Variants in GABPB1 observed in about 807,000 individuals in gnomAD.
GABPB1 encodes the protein GA-binding protein subunit beta-1.
In GABPB1, 15 loss-of-function variants were observed where a neutral mutation model predicts 45.9. The observed-to-expected ratio is 0.33, with a 90% confidence interval of 0.22 to 0.50. The LOEUF is 0.50. Ranked by LOEUF, GABPB1 falls within the 20% of genes least tolerant of loss-of-function variation. The pLI, the probability that GABPB1 is intolerant of heterozygous loss-of-function variation, is 0.98. For missense variants in GABPB1, 252 were observed against 457.5 expected, an observed-to-expected ratio of 0.55 and a Z score of 4.10; for synonymous variants, 143 against 154.4, an observed-to-expected ratio of 0.93 and a Z score of 0.55.
chr15:50,333,045 GCTTAATAACTTATTAATAA>G (rs1312332237), intron 1 of GABPB1, among the ~76,000 whole-genome samples: 2 of 148,214 alleles, frequency 1.3e-5, no homozygotes, highest in Admixed American at 6.8e-5. Context: ...AAGTTTATTG[GCTTAATAACTTATTAATAA>G]CTTAATAACT....
intron 1 of GABPB1, chr15:50,354,553 C>T (rs1290847735): frequency 8.9e-6 from 4 of 448,346 alleles, no homozygotes; most frequent in South Asian, 6.3e-5. Context: ...CGAGGCCCAG[C>T]CGCGCCTGCC....
intron 1 of GABPB1, among the ~76,000 whole-genome samples, chr15:50,335,290 G>C (rs2048080611): frequency 6.6e-6 from 1 of 152,154 alleles, no homozygotes; most frequent in East Asian, 1.9e-4. Context: ...CTCAGCTGTA[G>C]ATATATGGAG....
rs550832491 is a variant in GABPB1, at chr15:50,281,462, T to C, written c.1000-2678A>G. Among the ~76,000 whole-genome samples the C allele has an allele frequency of 7.2e-3, 1,099 of 152,240 alleles. 12 individuals are homozygous for C. Among genetic ancestry groups the C allele is most frequent in the African/African-American group, 0.021 (877 of 41,532 alleles). On this transcript the variant is annotated intron_variant, in intron 8 of 8. Transcript: ENST00000380877. ...TCCTGACCTCGTGATCTGCCCGCCT[T>C]GGCCTCCCAAAGTGCTAGGATTACA...
At chr15:50,296,905 CTTTTTTTTTTTT>C (rs72486745) in intron 6 of GABPB1, among the ~76,000 whole-genome samples, 2 of 91,392 alleles carry the variant, frequency 2.2e-5, no homozygotes, top group East Asian at 5.3e-4. Flanking sequence ...TAACTTAATT[CTTTTTTTTTTTT>C]TTTTTTTTTT....
At chr15:50,354,194 G>A (rs528582981) in intron 1 of GABPB1, 8 of 342,798 alleles carry the variant, frequency 2.3e-5, no homozygotes, top group Admixed American at 8.0e-5. Context: ...TGCCCTGGCA[G>A]AGATGACCTG....
intron 8 of GABPB1, among the ~76,000 whole-genome samples, chr15:50,281,894 G>C (rs915493561): frequency 6.6e-6 from 1 of 152,284 alleles, no homozygotes; most frequent in South Asian, 2.1e-4. Flanking sequence ...TTGAGCCTAG[G>C]AGTGAGAGAC....
At chr15:50,283,442 A>G (rs1350374358) in intron 8 of GABPB1, among the ~76,000 whole-genome samples, 1 of 152,084 alleles carries the variant, frequency 6.6e-6, no homozygotes, top group Non-Finnish European at 1.5e-5. Flanking sequence ...AATTTAAAGT[A>G]ATTTTTCCAG....
intron 1 of GABPB1, among the ~76,000 whole-genome samples, chr15:50,318,201 A>G (rs1036896144): frequency 2.0e-5 from 3 of 152,160 alleles, no homozygotes; most frequent in African/African-American, 7.2e-5. Flanking sequence ...ACCAAAGAAC[A>G]CTAGTTTTGA....
intron 2 of GABPB1, among the ~76,000 whole-genome samples, chr15:50,305,882 A>T (rs2046931263): frequency 6.6e-6 from 1 of 152,114 alleles, no homozygotes; most frequent in African/African-American, 2.4e-5. Context: ...TCTGAGCTCA[A>T]GCGATCCTCC....
intron 1 of GABPB1, chr15:50,353,933 T>C (rs1445498970): frequency 6.4e-6 from 1 of 156,296 alleles, no homozygotes; most frequent in Non-Finnish European, 1.4e-5. Flanking sequence ...TTCCACATTA[T>C]CAAGCCCCCT....
intron 4 of GABPB1, 114 bp from the exon 5 acceptor site, chr15:50,301,482 T>C: frequency 1.1e-6 from 1 of 950,210 alleles, no homozygotes; most frequent in Non-Finnish European, 1.6e-6. Context: ...AATCACATAG[T>C]ACAAGTGGAA....
At position 50,277,745 on chromosome 15, in the gene GABPB1, T is replaced by C. The variant is rs1360164490; in HGVS notation, c.*887A>G. 4 of 152,648 alleles carry C rather than the reference T, an allele frequency of 2.6e-5. No homozygotes were observed. The highest frequency in any genetic ancestry group is 7.2e-5 in the African/African-American group (3 of 41,446). 9.5% of individuals were successfully genotyped at this position (152,648 alleles called of 1,614,324 possible). A position where few individuals can be genotyped will look rare whatever the true frequency, so the allele number is the denominator to read the frequency against. On this transcript the variant is annotated 3_prime_UTR_variant, in exon 9 of 9. Transcript: ENST00000380877. ...AAATCAGTGCCTTAAAGTGCTTTCA[T>C]GTGGAAATCATGATGGAAGGCACAG... is the stretch of plus-strand genomic sequence containing the variant.
At chr15:50,303,447 C>A (rs551950748) in intron 3 of GABPB1, among the ~76,000 whole-genome samples, 1 of 152,084 alleles carries the variant, frequency 6.6e-6, no homozygotes, top group South Asian at 2.1e-4. Context: ...ACTTTGGGAG[C>A]CCAAGGCAGG....
chr15:50,289,701 T>A (rs755935399), intron 6 of GABPB1, 33 bp from the exon 7 acceptor site: 1 of 1,515,124 alleles, frequency 6.6e-7, no homozygotes, highest in Non-Finnish European at 9.0e-7. Context: ...TCAGCAAACA[T>A]ATGTAACGGT....
intron 1 of GABPB1, among the ~76,000 whole-genome samples, chr15:50,318,395 C>T (rs949674525): frequency 1.3e-5 from 2 of 152,074 alleles, no homozygotes; most frequent in Admixed American, 6.6e-5. Flanking sequence ...CCTCCATGCC[C>T]ATTTTACCTA....
intron 1 of GABPB1, among the ~76,000 whole-genome samples, chr15:50,326,850 AAG>A (rs2047788683): frequency 6.6e-6 from 1 of 152,100 alleles, no homozygotes; most frequent in Non-Finnish European, 1.5e-5. Flanking sequence ...AAAAAAAAGA[AAG>A]AAAGAAAAAC....
chr15:50,278,216 A>G lies in GABPB1; in HGVS notation c.*416T>C, dbSNP rs2045876070. Reference sequence around the variant, plus strand: ...TCTTCATACAGAGGTTTATACCTACAGGAGTAATTCCAGCATCAGTCCACC... The same window carrying G: ...TCTTCATACAGAGGTTTATACCTACGGGAGTAATTCCAGCATCAGTCCACC... On this transcript the variant is annotated 3_prime_UTR_variant, in exon 9 of 9. Coordinates refer to ENST00000380877, the MANE Select transcript of GABPB1 (RefSeq NM_016654.5). 6.5e-6 allele frequency: 1 copy of G among 153,418 alleles called. No individual in the cohort carries two copies. Among genetic ancestry groups the G allele is most frequent in the Non-Finnish European group, 1.5e-5 (1 of 68,638 alleles). The allele number at this position is 153,418 out of a possible 1,614,324, so 9.5% of individuals were successfully genotyped here.
Position 50,285,816 on chromosome 15 carries a change from A to C in GABPB1, c.999+252T>G, listed in dbSNP as rs1371037652. On this transcript the variant is annotated intron_variant, in intron 8 of 8. Transcript: ENST00000380877. ...TAAAACATAAAGGATGAAGTGGAAG[A>C]ACCAAAGACATTCCAGTGTTATCAA... The C allele has an allele frequency of 2.4e-6, 3 of 1,272,964 alleles. No homozygotes were observed. In the African/African-American group the frequency reaches 4.6e-5, roughly 20 times the overall value. 78.9% of individuals were successfully genotyped at this position (1,272,964 alleles called of 1,614,324 possible).
chr15:50,297,122 G>C (rs1291939015), intron 6 of GABPB1, among the ~76,000 whole-genome samples: 2 of 151,600 alleles, frequency 1.3e-5, no homozygotes, highest in Non-Finnish European at 2.9e-5. Flanking sequence ...TGTTGGCCAG[G>C]CTTGTCTTGA....
Sources: gnomAD v4.1 joint callset for allele counts (sites outside exome capture counted in the v4.1 genomes callset) on GRCh38, gnomAD v4.1.1 for gene constraint, MANE v1.5 for transcripts, NCBI Gene and HGNC (gene_info 2026-07-23, HGNC 2026-07-21) for gene names.